The following CUBN variants were observed in gnomAD, a reference collection of about 807,000 sequenced individuals.
CUBN encodes cubilin, also known as 460 kDa receptor.
A neutral mutation model predicts 405.3 loss-of-function variants in CUBN; 282 were observed. The ratio of observed to expected loss-of-function variants is 0.70; its 90% CI spans 0.63 to 0.77. The LOEUF (loss-of-function observed/expected upper bound fraction) is 0.77. Among genes scored for constraint, CUBN ranks in the 30% least tolerant of loss-of-function variants. The probability of loss-of-function intolerance (pLI) is 0.00; values close to 1 mark genes in which losing one functional copy is unlikely to be tolerated. For missense variants in CUBN, 4,514 were observed against 4,475.2 expected (o/e 1.01, Z -0.25); for synonymous variants, 1,684 against 1,617.0 (o/e 1.04, Z -0.99).
intron 54 of CUBN, among the ~76,000 whole-genome samples, chr10:16,892,109 C>T (rs774766135): frequency 2.0e-5 from 3 of 152,170 alleles, no homozygotes; most frequent in Non-Finnish European, 4.4e-5. Flanking sequence ...CAGTCCATAG[C>T]AAGAGATGTG....
chr10:17,102,442 A>G (rs1178551003), intron 13 of CUBN, among the ~76,000 whole-genome samples: 1 of 151,532 alleles, frequency 6.6e-6, no homozygotes, highest in Non-Finnish European at 1.5e-5. Flanking sequence ...ACCCATCACC[A>G]TACCTGGCTA....
At chr10:16,948,124 G>A (rs972929816) in intron 35 of CUBN, among the ~76,000 whole-genome samples, 2 of 152,172 alleles carry the variant, frequency 1.3e-5, no homozygotes, top group East Asian at 1.9e-4. Flanking sequence ...CAGGAGAATC[G>A]CTTGAATTGG....
chr10:16,854,524 G>A (rs1839814420), intron 59 of CUBN, among the ~76,000 whole-genome samples: 1 of 152,188 alleles, frequency 6.6e-6, no homozygotes, highest in Non-Finnish European at 1.5e-5. Context: ...TGAAGGAGAT[G>A]AGACCAGGTG....
intron 15 of CUBN, 103 bp downstream of exon 15, chr10:17,088,061 A>G: frequency 1.2e-6 from 1 of 825,286 alleles, no homozygotes; most frequent in South Asian, 1.4e-5. Flanking sequence ...AAACACACCT[A>G]ACTACAGCTA....
chr10:16,919,880 G>C, intron 44 of CUBN, 83 bp downstream of exon 44: 1 of 1,409,536 alleles, frequency 7.1e-7, no homozygotes, highest in Non-Finnish European at 9.9e-7. Context: ...ATGTGCTACT[G>C]AAAGAAATGG....
Position 16,831,305 on chromosome 10 carries a change from T to C in CUBN, c.10475A>G (p.Asp3492Gly). The C allele has an allele frequency of 1.9e-6, 3 of 1,614,088 alleles. No individual in the cohort carries two copies. Among genetic ancestry groups the C allele is most frequent in the Non-Finnish European group, 2.5e-6 (3 of 1,179,928 alleles). The part of the protein sequence containing the change: ...NNELYLRFKS[D>G]SVTSDRGYEI... The stretch of plus-strand genomic sequence containing the variant: ...ATATCCACGATCAGAAGTTACACTA[T>C]CACTCTTAAATCGTAGGTATAGTTC... The change falls in exon 65 of 67, where the codon GAT becomes GGT. Residue 3492 changes from aspartate to glycine, a missense_variant. Asp to Gly is a moderately conservative substitution (Grantham distance 94, BLOSUM62 -1). This residue lies in a region of CUBN where 1,186 missense variants were observed against 1,186.9 expected (regional missense o/e 1.00). Transcript: ENST00000377833.
At chr10:17,001,948 C>G (rs938901174) in intron 28 of CUBN, among the ~76,000 whole-genome samples, 1 of 152,172 alleles carries the variant, frequency 6.6e-6, no homozygotes, top group Non-Finnish European at 1.5e-5. Flanking sequence ...TCTACTAACT[C>G]TTATAAGTGG....
chr10:17,085,507 T>C (rs965662970), intron 16 of CUBN, 90 bp downstream of exon 16: 6 of 1,263,722 alleles, frequency 4.7e-6, no homozygotes, highest in Non-Finnish European at 7.0e-6. Flanking sequence ...CAGTCAGTCA[T>C]CCTCTGAATC....
Position 16,982,545 on chromosome 10 carries a change from T to G in CUBN, c.4634A>C (p.Asn1545Thr), listed in dbSNP as rs755154035. ...DCSWVIRVDR[N>T]HRVLLNFTDF... ...AGTGAAGTTCAAGAGAACACGATGA[T>G]TTCTGTCAACCCGAATGACCCAAGA... The change falls in exon 31 of 67, where the codon AAT becomes ACT. Residue 1545 changes from asparagine (N) to threonine (T), a missense_variant. Asn to Thr is a moderately conservative substitution (Grantham distance 65). This residue lies in a region of CUBN where 1,613 missense variants were observed against 1,542.8 expected (regional missense o/e 1.05). Coordinates refer to ENST00000377833, the MANE Select transcript of CUBN (RefSeq NM_001081.4). 1.2e-6 allele frequency: 2 copies of G among 1,613,890 alleles called. No individual in the cohort carries two copies. Among genetic ancestry groups the G allele is most frequent in the Non-Finnish European group, 1.7e-6 (2 of 1,179,820 alleles).
intron 31 of CUBN, among the ~76,000 whole-genome samples, chr10:16,974,088 T>A (rs1373266418): frequency 6.6e-6 from 1 of 152,218 alleles, no homozygotes; most frequent in African/African-American, 2.4e-5. Context: ...CTAGCACAAG[T>A]GGAGAACTCT....
chr10:16,929,320 G>A (rs560941959), intron 40 of CUBN, among the ~76,000 whole-genome samples: 3 of 152,170 alleles, frequency 2.0e-5, no homozygotes, highest in South Asian at 2.1e-4. Flanking sequence ...CCCCTGTGCC[G>A]GCTGAAACCA....
intron 65 of CUBN, among the ~76,000 whole-genome samples, chr10:16,830,913 G>C (rs762209063): frequency 6.6e-6 from 1 of 151,954 alleles, no homozygotes; most frequent in African/African-American, 2.4e-5. Flanking sequence ...ATGGGGAAAC[G>C]CTCTGTCTAC....
In CUBN at chr10:16,891,960, T is replaced by G. The variant is rs147253959; in HGVS notation, c.8599-1433A>C. On this transcript the variant is annotated intron_variant, in intron 54 of 66. Transcript: ENST00000377833. The stretch of plus-strand genomic sequence containing the variant: ...AACAAGGATGTAGTTGGATGTGTAT[T>G]AATCTTACTTGACTATTCAACATTT... Among the ~76,000 whole-genome samples, 191 of 152,334 alleles carry G rather than the reference T, an allele frequency of 1.3e-3. 1 individual carries two copies. Among genetic ancestry groups the G allele is most frequent in the African/African-American group, 4.4e-3 (181 of 41,560 alleles).
At chr10:16,914,610 A>AC (rs1310409777) in intron 47 of CUBN, among the ~76,000 whole-genome samples, 1 of 151,006 alleles carries the variant, frequency 6.6e-6, no homozygotes, top group Non-Finnish European at 1.5e-5. Context: ...GGTGGCTCAC[A>AC]CCTGTAACCC....
intron 25 of CUBN, among the ~76,000 whole-genome samples, chr10:17,044,192 T>A (rs1278779845): frequency 6.8e-6 from 1 of 146,992 alleles, no homozygotes; most frequent in Non-Finnish European, 1.5e-5. Context: ...CATATATTTT[T>A]ATATATGTAT....
chr10:17,124,633 T>A (rs1007616292), intron 4 of CUBN, among the ~76,000 whole-genome samples: 18 of 152,090 alleles, frequency 1.2e-4, no homozygotes, highest in African/African-American at 4.1e-4. Flanking sequence ...TTTCACCGTG[T>A]TAGCCAGGAT....
intron 6 of CUBN, among the ~76,000 whole-genome samples, chr10:17,117,263 A>G (rs2131316356): frequency 6.6e-6 from 1 of 152,306 alleles, no homozygotes; most frequent in South Asian, 2.1e-4. Flanking sequence ...ATGGAACTTT[A>G]AAACAGTTCA....
intron 27 of CUBN, among the ~76,000 whole-genome samples, chr10:17,024,239 A>C (rs953004401): frequency 2.0e-5 from 3 of 152,124 alleles, no homozygotes; most frequent in African/African-American, 4.8e-5. Context: ...ACTGATAGAG[A>C]TCCAATTTTT....
chr10:16,981,178 G>GACATACACACACACAC (rs1833260272), intron 31 of CUBN, among the ~76,000 whole-genome samples: 1 of 145,244 alleles, frequency 6.9e-6, no homozygotes, highest in South Asian at 2.3e-4. Context: ...AGACTCAGCA[G>GACATACACACACACAC]ACACACACAC....
Sources: gnomAD v4.1 joint callset for allele counts (sites outside exome capture counted in the v4.1 genomes callset) on GRCh38, gnomAD v4.1.1 for gene constraint, gnomAD v4.1.1 regional missense constraint, MANE v1.5 for transcripts, NCBI Gene and HGNC (gene_info 2026-07-23, HGNC 2026-07-21) for gene names.